Variants in TNS3 observed in about 807,000 individuals in gnomAD.
The protein encoded by TNS3 is tensin 3.
In TNS3, 45 loss-of-function variants were observed where a neutral mutation model predicts 140.9. The ratio of observed to expected loss-of-function variants is 0.32; its 90% CI spans 0.25 to 0.41. TNS3 has a LOEUF of 0.41. TNS3 is among the 10% of genes least tolerant of loss of function. The probability of loss-of-function intolerance (pLI) is 1.00; values close to 1 mark genes in which losing one functional copy is unlikely to be tolerated. For synonymous variants in TNS3, 815 were observed against 788.4 expected, an observed-to-expected ratio of 1.03 and a Z score of -0.56; for missense variants, 1,716 against 1,906.7, an observed-to-expected ratio of 0.90 and a Z score of 1.86.
chr7:47,426,927 C>T (rs935661953), intron 9 of TNS3, among the ~76,000 whole-genome samples: 5 of 151,968 alleles, frequency 3.3e-5, no homozygotes, highest in African/African-American at 1.2e-4. Flanking sequence ...GAGTTCAAGA[C>T]CAGCCTGGCC....
chr7:47,538,903 AT>A (rs1010430307), intron 1 of TNS3, among the ~76,000 whole-genome samples: 15 of 152,122 alleles, frequency 9.9e-5, no homozygotes, highest in African/African-American at 3.4e-4. Context: ...CTTTTCAAAC[AT>A]TTTTCCCTGA....
chr7:47,365,739 G>A (rs1192470586), intron 17 of TNS3, among the ~76,000 whole-genome samples: 2 of 152,062 alleles, frequency 1.3e-5, no homozygotes, highest in East Asian at 3.9e-4. Flanking sequence ...CAGCTTGGGC[G>A]ACAGAGTGAG....
At chr7:47,580,020 C>A (rs1784490410) in intron 1 of TNS3, 1 of 157,574 alleles carries the variant, frequency 6.3e-6, no homozygotes, top group Non-Finnish European at 1.3e-5. Flanking sequence ...AAAAAAAAAT[C>A]AATTTGCATT....
chr7:47,319,627 C>T (rs540018414), intron 20 of TNS3, among the ~76,000 whole-genome samples: 48 of 152,004 alleles, frequency 3.2e-4, no homozygotes, highest in Non-Finnish European at 4.6e-4. Flanking sequence ...GAGAAACCTC[C>T]CCTGTAATCT....
intron 10 of TNS3, among the ~76,000 whole-genome samples, chr7:47,422,414 G>A (rs905059293): frequency 2.0e-5 from 3 of 152,144 alleles, no homozygotes; most frequent in Admixed American, 2.0e-4. Context: ...AGGGGTTCAA[G>A]ACCAGCCTGG....
rs1471391920 is a variant in TNS3 at position 47,354,960 on chromosome 7, A to G, written c.2282-8604T>C. 2.6e-5 allele frequency among the ~76,000 whole-genome samples: 4 copies of G among 152,138 alleles called. No individual in the cohort carries two copies. In the East Asian group the frequency reaches 7.7e-4, roughly 29 times the overall value. Reference sequence around the variant, plus strand: ...CGCCCAAGCCTCCTTCCCTCCAGACACTGGGTGCTACCCACCCAGAGCCTC... The same window carrying G: ...CGCCCAAGCCTCCTTCCCTCCAGACGCTGGGTGCTACCCACCCAGAGCCTC... On this transcript the variant is annotated intron_variant, in intron 17 of 30. Transcript: ENST00000311160.
At chr7:47,564,021 G>C (rs968496010) in intron 1 of TNS3, among the ~76,000 whole-genome samples, 7 of 136,276 alleles carry the variant, frequency 5.1e-5, no homozygotes, top group Non-Finnish European at 1.1e-4. Context: ...GTGAAACCCC[G>C]TCTCTACTAA....
intron 27 of TNS3, among the ~76,000 whole-genome samples, chr7:47,286,046 G>C (rs370603607): frequency 6.6e-6 from 1 of 152,196 alleles, no homozygotes; most frequent in Non-Finnish European, 1.5e-5. Context: ...CTTCACGAGA[G>C]GGACAGTCCG....
At chr7:47,312,837 C>A (rs1787182278) in intron 20 of TNS3, among the ~76,000 whole-genome samples, 1 of 151,990 alleles carries the variant, frequency 6.6e-6, no homozygotes, top group East Asian at 1.9e-4. Flanking sequence ...ACATGTGTAA[C>A]CTGCACGTTG....
intron 2 of TNS3, among the ~76,000 whole-genome samples, chr7:47,519,709 T>C (rs986312924): frequency 1.3e-5 from 2 of 151,472 alleles, no homozygotes; most frequent in African/African-American, 4.9e-5. Context: ...GCGAGGGTGA[T>C]AGGGGATCCT....
Position 47,319,078 on chromosome 7 carries a change from G to A in TNS3, c.2651-14075C>T, listed in dbSNP as rs142599414. Among the ~76,000 whole-genome samples the A allele has an allele frequency of 3.4e-3, 518 of 152,274 alleles. 2 individuals are homozygous for A. Among genetic ancestry groups the A allele is most frequent in the African/African-American group, 0.011 (475 of 41,554 alleles). ...CTGGTGGCTCAACAGCTGAAGTCCC[G>A]AGGAGTCCTGGTCCAGGATCATCAT... On this transcript the variant is annotated intron_variant, in intron 20 of 30. Coordinates refer to ENST00000311160, the MANE Select transcript of TNS3 (RefSeq NM_022748.12).
At chr7:47,345,078 T>C in intron 18 of TNS3, 40 bp from the exon 19 acceptor site, 1 of 1,520,632 alleles carries the variant, frequency 6.6e-7, no homozygotes, top group Non-Finnish European at 9.1e-7. Flanking sequence ...GAACAGGGAG[T>C]CAAGTGAAGG....
intron 1 of TNS3, among the ~76,000 whole-genome samples, chr7:47,552,213 G>A (rs1029746612): frequency 1.6e-4 from 25 of 152,058 alleles, no homozygotes; most frequent in Admixed American, 1.4e-3. Context: ...TTAGGGATGC[G>A]TTAACAGTAA....
At chr7:47,426,150 C>T (rs1054816056) in intron 9 of TNS3, among the ~76,000 whole-genome samples, 10 of 151,962 alleles carry the variant, frequency 6.6e-5, no homozygotes, top group Non-Finnish European at 1.0e-4. Flanking sequence ...GGCATAGTGG[C>T]GGGCACCAGT....
chr7:47,275,813 A>G lies in TNS3; in HGVS notation c.*2263T>C. The G allele has an allele frequency of 2.2e-6, 1 of 455,982 alleles. No individual in the cohort carries two copies. The highest frequency in any genetic ancestry group is 1.5e-5 in the South Asian group (1 of 64,548). The allele number at this position is 455,982 out of a possible 1,614,324, so 28.2% of individuals were successfully genotyped here. On this transcript the variant is annotated 3_prime_UTR_variant, in exon 31 of 31. Coordinates refer to ENST00000311160, the MANE Select transcript of TNS3 (RefSeq NM_022748.12). Reference sequence around the variant, plus strand: ...CACCTGGCCAATGAGTTCAAAAAGCACGTTTGCAGGGCTTCCTGAATGCCG... The same window carrying G: ...CACCTGGCCAATGAGTTCAAAAAGCGCGTTTGCAGGGCTTCCTGAATGCCG...
chr7:47,326,463 G>A (rs933174090), intron 20 of TNS3, among the ~76,000 whole-genome samples: 6 of 152,124 alleles, frequency 3.9e-5, no homozygotes, highest in Non-Finnish European at 7.4e-5. Context: ...GGAACCTTCT[G>A]CACAGGTTTG....
chr7:47,397,212 G>T (rs1792885549), intron 15 of TNS3, among the ~76,000 whole-genome samples: 1 of 152,130 alleles, frequency 6.6e-6, no homozygotes, highest in African/African-American at 2.4e-5. Flanking sequence ...GGACACAGAG[G>T]CCCGGTAAGC....
In TNS3 at chr7:47,514,309, C is replaced by G. The variant is rs565544846; in HGVS notation, c.-152-7365G>C. ...ATAACTACCATGTTCTCCTGAAGTCCTAATACTGCACCTGGCCCAAAGCAA... is the reference window on the plus strand; with the variant it reads ...ATAACTACCATGTTCTCCTGAAGTCGTAATACTGCACCTGGCCCAAAGCAA... On this transcript the variant is annotated intron_variant, in intron 2 of 30. Transcript: ENST00000311160. 9.2e-5 allele frequency among the ~76,000 whole-genome samples: 14 copies of G among 152,308 alleles called. No homozygotes were observed. In the South Asian group the frequency reaches 2.9e-3, roughly 32 times the overall value.
intron 8 of TNS3, among the ~76,000 whole-genome samples, chr7:47,430,617 C>T (rs1704965): frequency 0.4 from 61,396 of 151,998 alleles, 12,556 homozygotes; most frequent in Non-Finnish European, 0.42. Flanking sequence ...CATCAGAATA[C>T]GCATTCTTCT....
Sources: allele counts gnomAD v4.1 joint callset (sites outside exome capture counted in the v4.1 genomes callset), GRCh38; gene constraint gnomAD v4.1.1; transcripts MANE v1.5; gene names NCBI Gene and HGNC (gene_info 2026-07-23, HGNC 2026-07-21).